Variants in TBC1D22A observed in about 807,000 individuals in gnomAD.
The protein encoded by TBC1D22A is putative GTPase activator.
TBC1D22A carries 38 observed loss-of-function variants against 60.2 expected under a neutral mutation model. That is an observed-to-expected ratio of 0.63 (90% CI 0.49 to 0.83). The LOEUF (loss-of-function observed/expected upper bound fraction) is 0.83, where lower values mean the gene tolerates loss of function less well. Ranked by LOEUF, TBC1D22A falls within the 40% of genes least tolerant of loss-of-function variation. The pLI is 0.00. For synonymous variants in TBC1D22A, 302 were observed against 281.7 expected, an observed-to-expected ratio of 1.07 and a Z score of -0.72; for missense variants, 628 against 701.0, an observed-to-expected ratio of 0.90 and a Z score of 1.18.
intron 6 of TBC1D22A, 152 bp from the exon 7 acceptor site, chr22:46,894,632 G>A: frequency 1.1e-6 from 1 of 874,018 alleles, no homozygotes; most frequent in Non-Finnish European, 1.8e-6. Flanking sequence ...CTTCAGGGGA[G>A]AAGGTGGTAA....
At chr22:46,834,544 A>C (rs2086440041) in intron 4 of TBC1D22A, among the ~76,000 whole-genome samples, 1 of 152,218 alleles carries the variant, frequency 6.6e-6, no homozygotes, top group African/African-American at 2.4e-5. Context: ...GACCCCAGCC[A>C]TGTGGGATGC....
intron 8 of TBC1D22A, among the ~76,000 whole-genome samples, chr22:46,933,002 C>G (rs918660385): frequency 6.6e-6 from 1 of 152,142 alleles, no homozygotes; most frequent in Non-Finnish European, 1.5e-5. Flanking sequence ...GGATGACAGG[C>G]GTGAGCCACT....
rs544493206 is a variant in TBC1D22A, at chr22:47,097,625, G to A, written c.1330-13883G>A. On this transcript the variant is annotated intron_variant, in intron 11 of 12. Coordinates refer to ENST00000337137, the MANE Select transcript of TBC1D22A (RefSeq NM_014346.5). ...GAGTCCATCTCAAAAAAAAAAGAAA[G>A]AAAAAGAAAAGAAATGCATTGAACA... Among the ~76,000 whole-genome samples, 8 of 151,894 alleles carry A rather than the reference G, an allele frequency of 5.3e-5. 1 individual carries two copies. The South Asian group carries it at 1.7e-3, about 32-fold the overall frequency.
At chr22:46,866,192 C>T (rs1328926957) in intron 4 of TBC1D22A, among the ~76,000 whole-genome samples, 2 of 152,210 alleles carry the variant, frequency 1.3e-5, no homozygotes, top group African/African-American at 2.4e-5. Flanking sequence ...GCAACCTCCT[C>T]CTCCTGGGTT....
chr22:46,958,446 C>T (rs1172956198), intron 8 of TBC1D22A, among the ~76,000 whole-genome samples: 1 of 152,146 alleles, frequency 6.6e-6, no homozygotes, highest in Non-Finnish European at 1.5e-5. Flanking sequence ...GGGGGCTCGG[C>T]ATATGCATGT....
At chr22:46,820,331 G>A (rs988159901) in intron 4 of TBC1D22A, among the ~76,000 whole-genome samples, 4 of 152,072 alleles carry the variant, frequency 2.6e-5, no homozygotes, top group South Asian at 4.1e-4. Flanking sequence ...ATGTTAGGGC[G>A]TCGATTTGAG....
chr22:47,055,015 G>A (rs131924), intron 11 of TBC1D22A, among the ~76,000 whole-genome samples: 82,221 of 151,982 alleles, frequency 0.54, 22,947 homozygotes, highest in East Asian at 0.96. Context: ...CAGTGGGCGG[G>A]GACCTGGCCT....
chr22:46,939,082 G>GTTT (rs2071832202), intron 8 of TBC1D22A, among the ~76,000 whole-genome samples: 1 of 121,108 alleles, frequency 8.3e-6, no homozygotes, highest in Non-Finnish European at 1.8e-5. Context: ...TTTGAAGTCT[G>GTTT]TTTTTCTTTT....
rs2083771161 is a variant in TBC1D22A at position 46,777,919 on chromosome 22, T to C, written c.63-14601T>C. 6.6e-6 allele frequency among the ~76,000 whole-genome samples: 1 copy of C among 152,234 alleles called. No homozygotes were observed. ...GTAGAGTTAGCGCAGTGTCGCCTGCTGCACACCTAGGCTGTACGGCACCGT... is the reference window on the plus strand; with the variant it reads ...GTAGAGTTAGCGCAGTGTCGCCTGCCGCACACCTAGGCTGTACGGCACCGT... On this transcript the variant is annotated intron_variant, in intron 1 of 12. Coordinates refer to ENST00000337137, the MANE Select transcript of TBC1D22A (RefSeq NM_014346.5). The surrounding 1 kb of genome is among the most constrained non-coding windows in gnomAD (Gnocchi z 4.5).
intron 8 of TBC1D22A, among the ~76,000 whole-genome samples, chr22:46,938,711 G>A (rs1226546501): frequency 2.0e-5 from 3 of 151,772 alleles, no homozygotes; most frequent in South Asian, 2.1e-4. Flanking sequence ...TCAGCCTGCA[G>A]GGTAGCTGGG....
intron 5 of TBC1D22A, 95 bp downstream of exon 5, chr22:46,878,818 G>C (rs2067703419): frequency 8.5e-7 from 1 of 1,180,628 alleles, no homozygotes; most frequent in African/African-American, 1.5e-5. Flanking sequence ...ACAGCCCACG[G>C]GTTTGCCTTG....
intron 4 of TBC1D22A, among the ~76,000 whole-genome samples, chr22:46,827,558 A>G (rs2086124583): frequency 6.6e-6 from 1 of 152,156 alleles, no homozygotes; most frequent in Non-Finnish European, 1.5e-5. Flanking sequence ...GTCTTCTCGT[A>G]TCAAAACGAG....
chr22:46,974,218 G>A (rs910615932), intron 8 of TBC1D22A, 72 bp from the exon 9 acceptor site: 108 of 1,298,244 alleles, frequency 8.3e-5, no homozygotes, highest in Admixed American at 5.7e-4. Flanking sequence ...CTGTTCCTCC[G>A]TGGGCCCCCT....
intron 12 of TBC1D22A, among the ~76,000 whole-genome samples, chr22:47,123,039 T>C (rs1307185210): frequency 6.6e-6 from 1 of 152,144 alleles, no homozygotes; most frequent in Non-Finnish European, 1.5e-5. Flanking sequence ...ATTTCTAGTT[T>C]TTTCTTACCT....
chr22:47,067,171 CACGAG>C (rs1329947746), intron 11 of TBC1D22A, among the ~76,000 whole-genome samples: 3 of 152,122 alleles, frequency 2.0e-5, no homozygotes. Flanking sequence ...GAGGCTGAGG[CACGAG>C]AATCACTTGA....
intron 1 of TBC1D22A, among the ~76,000 whole-genome samples, chr22:46,766,761 C>T (rs1444353597): frequency 6.6e-6 from 1 of 152,124 alleles, no homozygotes; most frequent in African/African-American, 2.4e-5. Flanking sequence ...TGGTCTCGAT[C>T]TCTTGACCTC....
chr22:46,791,376 A>G (rs2084399033), intron 1 of TBC1D22A, among the ~76,000 whole-genome samples: 2 of 152,152 alleles, frequency 1.3e-5, no homozygotes, highest in Non-Finnish European at 2.9e-5. Context: ...CAGCAGCTCA[A>G]AGCTGTCACA....
chr22:47,019,105 C>A (rs2061995484), intron 10 of TBC1D22A, among the ~76,000 whole-genome samples: 1 of 152,250 alleles, frequency 6.6e-6, no homozygotes, highest in East Asian at 1.9e-4. Flanking sequence ...CGCCTCCCAG[C>A]TGGCCTGGCG....
chr22:47,047,130 G>T (rs1277420727), intron 11 of TBC1D22A, among the ~76,000 whole-genome samples: 2 of 152,202 alleles, frequency 1.3e-5, no homozygotes, highest in African/African-American at 2.4e-5. Flanking sequence ...ATCTTAGCTT[G>T]TTCTTAGTGC....
Sources: allele counts gnomAD v4.1 joint callset (sites outside exome capture counted in the v4.1 genomes callset), GRCh38; gene constraint gnomAD v4.1.1; non-coding constraint Gnocchi (gnomAD v3.1); transcripts MANE v1.5; gene names NCBI Gene and HGNC (gene_info 2026-07-23, HGNC 2026-07-21).